The following ADGRE2 variants were observed in gnomAD, a reference collection of about 807,000 sequenced individuals.
The protein encoded by ADGRE2 is adhesion G protein-coupled receptor E2.
ADGRE2 carries 83 observed loss-of-function variants against 100.8 expected under a neutral mutation model. The observed-to-expected ratio is 0.82, with a 90% confidence interval of 0.69 to 0.99. The LOEUF (loss-of-function observed/expected upper bound fraction) is 0.99. ADGRE2 is among the 50% of genes least tolerant of loss of function. The pLI, the probability that ADGRE2 is intolerant of heterozygous loss-of-function variation, is 0.00. For missense variants in ADGRE2, 814 were observed against 1,035.7 expected (o/e 0.79, Z 2.94); for synonymous variants, 355 against 413.0 (o/e 0.86, Z 1.70).
intron 5 of ADGRE2, chr19:14,772,097 C>G: frequency 7.2e-6 from 4 of 559,360 alleles, no homozygotes; most frequent in Non-Finnish European, 1.3e-5. Flanking sequence ...TTGGTAATAT[C>G]ATTTAGGTAA....
In ADGRE2 at chr19:14,772,487, C is replaced by T. The variant is rs893305633; in HGVS notation, c.210G>A (p.Glu70=). The change falls in exon 5 of 21, where the codon GAG becomes GAA. Residue 70 remains glutamate, a synonymous_variant. Transcript: ENST00000315576. ...ATGACACTTTCGACAGTGTTGCACA[C>T]TCGTTGATGTCTGGAACACAACAGG... The part of the protein sequence containing the change: ...TPMETCDDIN[E]CATLSKVSCG... The T allele has an allele frequency of 6.2e-7, 1 of 1,613,990 alleles. No individual in the cohort carries two copies. The highest frequency in any genetic ancestry group is 1.3e-5 in the African/African-American group (1 of 74,978).
chr19:14,776,764 GCT>G lies in ADGRE2; in HGVS notation c.-10_-9del, dbSNP rs2044458806. The G allele has an allele frequency of 3.7e-6, 6 of 1,613,278 alleles. No homozygotes were observed. The East Asian group carries it at 8.9e-5, about 24-fold the overall frequency. ...AAAGACGCGGCCTCCCATGGTTCCAGCTGAGCTGCCGGCAGGAGCAGCAGGGG... is the reference window on the plus strand; with the variant it reads ...AAAGACGCGGCCTCCCATGGTTCCAGGAGCTGCCGGCAGGAGCAGCAGGGG... On this transcript the variant is annotated 5_prime_UTR_variant, in exon 2 of 21. Transcript: ENST00000315576.
At chr19:14,770,799 C>A (rs1186035697) in intron 5 of ADGRE2, among the ~76,000 whole-genome samples, 1 of 150,552 alleles carries the variant, frequency 6.6e-6, no homozygotes, top group Admixed American at 6.7e-5. Flanking sequence ...CTGCCTCAGC[C>A]TCCTGAGTAG....
In ADGRE2 at chr19:14,751,668, G is replaced by A. The variant is rs1454095963; in HGVS notation, c.1792C>T (p.Leu598=). 6.2e-7 allele frequency: 1 copy of A among 1,612,674 alleles called. No homozygotes were observed. The highest frequency in any genetic ancestry group is 1.1e-5 in the South Asian group (1 of 91,050). ...AAGGTACCGGCGATGATGGAGCACA[G>A]CACCTGGCGGAGAAGTAAAAGACGC... is the stretch of plus-strand genomic sequence containing the variant. ...VAIDQTGHKV[L]CSIIAGTLHY... The change falls in exon 16 of 21, where the codon CTG becomes TTG. Residue 598 remains leucine (L), a synonymous_variant. Transcript: ENST00000315576.
downstream of ADGRE2, chr19:14,732,089 T>A (rs1196901869): frequency 6.6e-6 from 1 of 152,200 alleles, no homozygotes; most frequent in African/African-American, 2.4e-5. Flanking sequence ...GTCTGTCTTA[T>A]ATGTTTTAGT....
At chr19:14,766,475 C>T (rs2043982868) in intron 6 of ADGRE2, 94 bp from the exon 7 acceptor site, 2 of 1,410,122 alleles carry the variant, frequency 1.4e-6, no homozygotes, top group Non-Finnish European at 1.9e-6. Context: ...TTCATTGCCT[C>T]AGACTGAAGA....
chr19:14,758,884 C>A (rs866767657), intron 11 of ADGRE2, among the ~76,000 whole-genome samples: 26 of 110,426 alleles, frequency 2.4e-4, no homozygotes, highest in Admixed American at 3.8e-4. Context: ...GACTCCGTCT[C>A]AAAAAAAAAA....
At chr19:14,772,851 C>T (rs1233766909) in intron 4 of ADGRE2, among the ~76,000 whole-genome samples, 3 of 151,206 alleles carry the variant, frequency 2.0e-5, no homozygotes, top group Admixed American at 6.6e-5. Context: ...AGGCCGAGGC[C>T]GGCAGATCAC....
intron 5 of ADGRE2, among the ~76,000 whole-genome samples, chr19:14,771,498 G>C (rs1164686019): frequency 6.6e-6 from 1 of 152,136 alleles, no homozygotes; most frequent in African/African-American, 2.4e-5. Flanking sequence ...CTGCAGTGTG[G>C]AATAAGACCA....
chr19:14,770,701 A>T, intron 5 of ADGRE2, among the ~76,000 whole-genome samples: 2 of 20,246 alleles, frequency 9.9e-5, no homozygotes, highest in African/African-American at 8.7e-4. Flanking sequence ...TTTTTTTGAG[A>T]CAAAGTCTTG....
At chr19:14,773,568 A>G (rs1316433184) in intron 4 of ADGRE2, among the ~76,000 whole-genome samples, 1 of 150,350 alleles carries the variant, frequency 6.7e-6, no homozygotes, top group African/African-American at 2.5e-5. Flanking sequence ...CTAGAGTGCA[A>G]TGGTGCAATC....
In ADGRE2 at chr19:14,756,263, A is replaced by G; in HGVS notation, c.1167T>C (p.Asn389=). ...CTGGGTCACCAGATTTCTGTGCCTG[A>G]TTCCAGTCGAGCTGCATCACTGCCT... ...QNQAVMQLDW[N]QAQKSGDPGP... is the part of the protein sequence containing the mutation. The change falls in exon 12 of 21, where the codon AAT becomes AAC. Residue 389 remains asparagine, a synonymous_variant. Transcript: ENST00000315576. The G allele has an allele frequency of 6.2e-7, 1 of 1,614,062 alleles. No individual in the cohort carries two copies. The highest frequency in any genetic ancestry group is 8.5e-7 in the Non-Finnish European group (1 of 1,179,988).
At chr19:14,728,276 A>C (rs2042646453), downstream of ADGRE2, among the ~76,000 whole-genome samples, 1 of 152,216 alleles carries the variant, frequency 6.6e-6, no homozygotes, top group Non-Finnish European at 1.5e-5. Flanking sequence ...TGGTAAAGGC[A>C]TGAGATAATT....
intron 11 of ADGRE2, among the ~76,000 whole-genome samples, chr19:14,756,788 A>G (rs776978029): frequency 9.2e-5 from 14 of 152,236 alleles, no homozygotes; most frequent in East Asian, 1.9e-4. Context: ...CCAGATGAAG[A>G]CATCACAAGA....
At chr19:14,725,329 CA>C in the ADGRE2 span, among the ~76,000 whole-genome samples, 2 of 152,178 alleles carry the variant, frequency 1.3e-5, no homozygotes, top group East Asian at 3.9e-4. Context: ...TACATTTCAA[CA>C]AGAGATTTGG....
At chr19:14,768,273 G>A (rs973569022) in intron 5 of ADGRE2, among the ~76,000 whole-genome samples, 1 of 152,204 alleles carries the variant, frequency 6.6e-6, no homozygotes, top group African/African-American at 2.4e-5. Context: ...AGGGCTGCCT[G>A]GACAGTGGGT....
chr19:14,751,412 A>T (rs201548088), intron 16 of ADGRE2, 24 bp downstream of exon 16: 13 of 1,555,416 alleles, frequency 8.4e-6, no homozygotes, highest in Admixed American at 8.3e-5. Flanking sequence ...GGAGAAGATA[A>T]GGATTGTGAG....
chr19:14,740,257 G>A (rs2042888860), intron 20 of ADGRE2, among the ~76,000 whole-genome samples: 1 of 151,850 alleles, frequency 6.6e-6, no homozygotes, highest in Non-Finnish European at 1.5e-5. Context: ...AGGTGGTGAG[G>A]GCATTTAGTG....
chr19:14,765,400 G>T lies in ADGRE2; in HGVS notation c.829-3C>A. ...TTGTCGAAGAATCGGGAAAGCGTCT[G>T]CAGAGAGAGGAGATGTGGGGGTCAG... On this transcript the variant is annotated splice_polypyrimidine_tract_variant and splice_region_variant and intron_variant, in intron 9 of 20. Coordinates refer to ENST00000315576, the MANE Select transcript of ADGRE2 (RefSeq NM_013447.4). The T allele has an allele frequency of 6.2e-7, 1 of 1,614,216 alleles. No homozygotes were observed. Among genetic ancestry groups the T allele is most frequent in the Non-Finnish European group, 8.5e-7 (1 of 1,180,038 alleles).
Sources: gnomAD v4.1 joint callset for allele counts (sites outside exome capture counted in the v4.1 genomes callset) on GRCh38, gnomAD v4.1.1 for gene constraint, MANE v1.5 for transcripts, NCBI Gene and HGNC (gene_info 2026-07-23, HGNC 2026-07-21) for gene names.